Variants in CSGALNACT1 observed in about 807,000 individuals in gnomAD.
CSGALNACT1 encodes the protein chondroitin sulfate N-acetylgalactosaminyltransferase 1, also known as beta4GalNAcT-1.
Under a neutral mutation model 51.0 loss-of-function variants are expected in CSGALNACT1, and 52 were observed. The ratio of observed to expected loss-of-function variants is 1.02; its 90% confidence interval spans 0.82 to 1.29. The LOEUF (loss-of-function observed/expected upper bound fraction) is 1.29. CSGALNACT1 is among the 50% of genes most tolerant of loss of function. The pLI, the probability that CSGALNACT1 is intolerant of heterozygous loss-of-function variation, is 0.00. For missense variants in CSGALNACT1, 935 were observed against 679.2 expected (o/e 1.38, Z -4.19); for synonymous variants, 341 against 254.4 (o/e 1.34, Z -3.24).
intron 1 of CSGALNACT1, among the ~76,000 whole-genome samples, chr8:19,722,933 G>A (rs1279041155): frequency 1.3e-5 from 2 of 152,156 alleles, no homozygotes; most frequent in Non-Finnish European, 2.9e-5. Flanking sequence ...TGTTTTCAGG[G>A]CAACTAGGCT....
chr8:19,462,325 T>C (rs1463527921), intron 4 of CSGALNACT1, among the ~76,000 whole-genome samples: 4 of 147,942 alleles, frequency 2.7e-5, no homozygotes, highest in Non-Finnish European at 6.0e-5. Flanking sequence ...CAGATAAAAA[T>C]GTATGCAGGC....
intron 4 of CSGALNACT1, among the ~76,000 whole-genome samples, chr8:19,459,093 A>C (rs964521065): frequency 2.6e-5 from 4 of 152,192 alleles, no homozygotes; most frequent in Admixed American, 6.5e-5. Context: ...CTTAGAAATT[A>C]AACCACTTCA....
At chr8:19,604,833 T>A (rs925505980), upstream of CSGALNACT1, among the ~76,000 whole-genome samples, 1 of 145,004 alleles carries the variant, frequency 6.9e-6, no homozygotes, top group Non-Finnish European at 1.5e-5. Flanking sequence ...GAGAATGGCA[T>A]GAACCCGGGA....
intron 1 of CSGALNACT1, among the ~76,000 whole-genome samples, chr8:19,716,084 A>G (rs2062789082): frequency 6.6e-6 from 1 of 152,174 alleles, no homozygotes; most frequent in African/African-American, 2.4e-5. Context: ...TATCCCCAGA[A>G]ACCAAGGAAA....
At chr8:19,609,502 A>C (rs538448624) in intron 1 of CSGALNACT1, among the ~76,000 whole-genome samples, 33 of 152,122 alleles carry the variant, frequency 2.2e-4, no homozygotes, top group African/African-American at 8.0e-4. Flanking sequence ...CATCATTGGA[A>C]TACTCAGCAA....
chr8:19,576,323 A>G (rs1035179431), intron 3 of CSGALNACT1, among the ~76,000 whole-genome samples: 11 of 416 alleles, frequency 0.026, no homozygotes, highest in East Asian at 0.071. Flanking sequence ...AGCCTCCCCA[A>G]TACTGGGATT....
intron 3 of CSGALNACT1, among the ~76,000 whole-genome samples, chr8:19,526,307 AG>A (rs1023226960): frequency 1.3e-5 from 2 of 152,224 alleles, no homozygotes; most frequent in African/African-American, 4.8e-5. Context: ...GATAAAGGCC[AG>A]GCACAGTGGC....
intron 3 of CSGALNACT1, among the ~76,000 whole-genome samples, chr8:19,589,200 G>C (rs1444545380): frequency 6.6e-6 from 1 of 152,168 alleles, no homozygotes; most frequent in Non-Finnish European, 1.5e-5. Context: ...GTTTCTTTGA[G>C]GAGAAAACCA....
intron 8 of CSGALNACT1, among the ~76,000 whole-genome samples, chr8:19,417,843 T>C (rs13255946): frequency 0.49 from 74,268 of 152,034 alleles, 19,084 homozygotes; most frequent in East Asian, 0.83. Flanking sequence ...GCCAATGCTG[T>C]CAACAATACC....
At chr8:19,564,100 C>G (rs1007291208) in intron 3 of CSGALNACT1, among the ~76,000 whole-genome samples, 1 of 152,202 alleles carries the variant, frequency 6.6e-6, no homozygotes, top group Non-Finnish European at 1.5e-5. Flanking sequence ...TGCTTTAAAA[C>G]TTCAGTTAAA....
chr8:19,613,395 A>T (rs2052573723), intron 1 of CSGALNACT1, among the ~76,000 whole-genome samples: 1 of 152,210 alleles, frequency 6.6e-6, no homozygotes, highest in Non-Finnish European at 1.5e-5. Flanking sequence ...TTCACTAGTA[A>T]CCTTTATCAT....
chr8:19,456,801 G>C (rs544823642), intron 5 of CSGALNACT1, among the ~76,000 whole-genome samples: 1 of 152,276 alleles, frequency 6.6e-6, no homozygotes, highest in South Asian at 2.1e-4. Context: ...CTAATTAAAA[G>C]AAATTTACGA....
Position 19,665,366 on chromosome 8 carries a change from C to T in CSGALNACT1, c.-544+17107G>A, listed in dbSNP as rs1183351724. Among the ~76,000 whole-genome samples the T allele has an allele frequency of 9.2e-5, 14 of 152,152 alleles. 1 individual carries two copies. On this transcript the variant is annotated intron_variant, in intron 1 of 9. Coordinates refer to the CSGALNACT1 transcript ENST00000332246. ...AAATGCCACGGCTCTTTTGGGCTTC[C>T]AACACAGTATTTTAAGTGGTTACAA...
intron 3 of CSGALNACT1, among the ~76,000 whole-genome samples, chr8:19,562,571 A>G (rs1255807188): frequency 6.6e-6 from 1 of 152,188 alleles, no homozygotes; most frequent in Non-Finnish European, 1.5e-5. Context: ...ACAAAGGTCT[A>G]ATATCCAGAG....
At chr8:19,681,973 A>G (rs1044891333) in intron 1 of CSGALNACT1, among the ~76,000 whole-genome samples, 1 of 152,192 alleles carries the variant, frequency 6.6e-6, no homozygotes, top group African/African-American at 2.4e-5. Context: ...GCACTTCACC[A>G]GTTTGCATAA....
intron 4 of CSGALNACT1, among the ~76,000 whole-genome samples, chr8:19,470,914 G>A (rs541325479): frequency 6.6e-6 from 1 of 152,192 alleles, no homozygotes; most frequent in African/African-American, 2.4e-5. Flanking sequence ...TGGCCAATGT[G>A]GTGAAACCCC....
intron 3 of CSGALNACT1, among the ~76,000 whole-genome samples, chr8:19,567,014 C>A (rs2042032515): frequency 1.3e-5 from 2 of 152,184 alleles, no homozygotes; most frequent in Non-Finnish European, 2.9e-5. Flanking sequence ...AAGATAATAT[C>A]CCCAATTCAC....
chr8:19,493,613 GT>G (rs2074848021), intron 4 of CSGALNACT1, among the ~76,000 whole-genome samples: 1 of 152,064 alleles, frequency 6.6e-6, no homozygotes, highest in African/African-American at 2.4e-5. Flanking sequence ...TTGACATCTG[GT>G]TTTTAACTTG....
At chr8:19,473,883 A>G (rs1364857782) in intron 4 of CSGALNACT1, among the ~76,000 whole-genome samples, 1 of 152,172 alleles carries the variant, frequency 6.6e-6, no homozygotes, top group South Asian at 2.1e-4. Context: ...AGCCCAGAAA[A>G]CAGGTCACAA....
Sources: allele counts gnomAD v4.1 joint callset (sites outside exome capture counted in the v4.1 genomes callset), GRCh38; gene constraint gnomAD v4.1.1; transcripts MANE v1.5; gene names NCBI Gene and HGNC (gene_info 2026-07-23, HGNC 2026-07-21).